The following PLCG2 variants were observed in gnomAD, a reference collection of about 807,000 sequenced individuals.
PLCG2 encodes the protein phospholipase C gamma 2, also known as 1-phosphatidylinositol 4,5-bisphosphate phosphodiesterase gamma-2.
PLCG2 carries 69 observed loss-of-function variants against 175.6 expected under a neutral mutation model. The ratio of observed to expected loss-of-function variants is 0.39; its 90% CI spans 0.32 to 0.48. The LOEUF is 0.48. Among genes scored for constraint, PLCG2 ranks in the 20% least tolerant of loss-of-function variants. The pLI is 0.91. For missense variants in PLCG2, 1,798 were observed against 1,650.9 expected, an observed-to-expected ratio of 1.09 and a Z score of -1.54; for synonymous variants, 827 against 624.0, an observed-to-expected ratio of 1.33 and a Z score of -4.85.
intron 7 of PLCG2, 38 bp downstream of exon 7, chr16:81,870,973 C>T (rs1483709722): frequency 1.7e-6 from 2 of 1,154,228 alleles, no homozygotes; most frequent in Non-Finnish European, 2.6e-6. Flanking sequence ...AGTGATGTTT[C>T]TGTTTTCCAT....
chr16:81,776,081 C>CGTTCGT (rs768932030), upstream of PLCG2, among the ~76,000 whole-genome samples: 5 of 110,674 alleles, frequency 4.5e-5, no homozygotes, highest in African/African-American at 6.5e-5. Flanking sequence ...CTTTCTCTCT[C>CGTTCGT]TCTCTCTCTT....
chr16:81,910,044 G>A (rs1209329720), intron 17 of PLCG2, among the ~76,000 whole-genome samples: 1 of 151,986 alleles, frequency 6.6e-6, no homozygotes, highest in African/African-American at 2.4e-5. Context: ...AGAATGTTCT[G>A]GAATCCAGGC....
rs144663678 is a variant in PLCG2 at position 81,924,360 on chromosome 16, A to G, written c.2417+766A>G. Among the ~76,000 whole-genome samples, 916 of 152,394 alleles carry G rather than the reference A, an allele frequency of 6.0e-3. 4 individuals are homozygous for G. Among genetic ancestry groups the G allele is most frequent in the Non-Finnish European group, 0.01 (692 of 68,044 alleles). On this transcript the variant is annotated intron_variant, in intron 22 of 32. Transcript: ENST00000564138. ...CTGGCTTAGGAATCTGAATAGCAGC[A>G]TGCATGGAGTGCTTCTATGTGTCAA... is the stretch of plus-strand genomic sequence containing the variant.
At chr16:81,746,297 G>A in intron 1 of PLCG2, among the ~76,000 whole-genome samples, 1 of 152,338 alleles carries the variant, frequency 6.6e-6, no homozygotes, top group South Asian at 2.1e-4. Context: ...CTGGCAGGGT[G>A]CCTTGAGTGC....
Position 81,923,476 on chromosome 16 carries a change from C to G in PLCG2, c.2308-9C>G, listed in dbSNP as rs1389430987. 1.9e-6 allele frequency: 3 copies of G among 1,586,876 alleles called. No individual in the cohort carries two copies. Among genetic ancestry groups the G allele is most frequent in the Non-Finnish European group, 2.6e-6 (3 of 1,155,954 alleles). ...GGCCTGACCTTTTCCTTCTTGTTTT[C>G]CCTGAAAGCCTCAGAGAACCGTGAA... On this transcript the variant is annotated splice_polypyrimidine_tract_variant and intron_variant, in intron 21 of 32. Transcript: ENST00000564138.
intron 1 of PLCG2, among the ~76,000 whole-genome samples, chr16:81,755,484 G>A (rs1044829702): frequency 6.6e-6 from 1 of 151,432 alleles, no homozygotes; most frequent in Non-Finnish European, 1.5e-5. Context: ...GGGATTACAA[G>A]CGTGAGCCAC....
chr16:81,927,218 T>A (rs766140534), intron 23 of PLCG2, 40 bp downstream of exon 23: 2 of 1,366,294 alleles, frequency 1.5e-6, no homozygotes, highest in South Asian at 2.3e-5. Context: ...GAAGAAGGGA[T>A]CTGCAGGTCC....
chr16:81,764,884 G>A (rs905442920), intron 2 of PLCG2, among the ~76,000 whole-genome samples: 17 of 152,114 alleles, frequency 1.1e-4, no homozygotes, highest in African/African-American at 4.1e-4. Context: ...GAGCTCAGGA[G>A]TTCGAGACCA....
chr16:81,745,441 C>CCT, intron 1 of PLCG2, among the ~76,000 whole-genome samples: 1 of 152,186 alleles, frequency 6.6e-6, no homozygotes, highest in Non-Finnish European at 1.5e-5. Flanking sequence ...ATCCAAACAA[C>CCT]GACTATAACT....
chr16:81,930,215 T>G (rs1318224078), intron 24 of PLCG2, among the ~76,000 whole-genome samples: 1 of 152,204 alleles, frequency 6.6e-6, no homozygotes, highest in Non-Finnish European at 1.5e-5. Context: ...GTAATCTGCT[T>G]AGAATATTGC....
chr16:81,943,315 T>C (rs534312159), intron 30 of PLCG2, among the ~76,000 whole-genome samples: 14 of 152,306 alleles, frequency 9.2e-5, no homozygotes, highest in African/African-American at 3.4e-4. Context: ...TCAGGAAATT[T>C]ACAATCCTGG....
intron 2 of PLCG2, among the ~76,000 whole-genome samples, chr16:81,795,900 G>A (rs1220444615): frequency 1.3e-5 from 2 of 152,232 alleles, no homozygotes; most frequent in African/African-American, 2.4e-5. Flanking sequence ...TTTGGCATGT[G>A]ACCAAGTGCA....
chr16:81,919,995 A>T (rs544034858), intron 20 of PLCG2, among the ~76,000 whole-genome samples: 21 of 152,180 alleles, frequency 1.4e-4, no homozygotes, highest in Non-Finnish European at 2.4e-4. Flanking sequence ...GGAAGATCTC[A>T]CTGAAAAGGA....
chr16:81,961,887 T>C lies in PLCG2; in HGVS notation c.*3889T>C, dbSNP rs928470844. On this transcript the variant is annotated 3_prime_UTR_variant, in exon 33 of 33. Transcript: ENST00000564138. ...GAAGATAGAGATTTTCAAAATTCAC[T>C]TAAGAGTATCTGAGCATAAAATGTT... The C allele has an allele frequency of 1.5e-5, 3 of 199,124 alleles. No individual in the cohort carries two copies. Among genetic ancestry groups the C allele is most frequent in the Non-Finnish European group, 3.1e-5 (3 of 96,456 alleles). The allele number at this position is 199,124 out of a possible 1,614,324, so 12.3% of individuals were successfully genotyped here.
chr16:81,778,032 C>CAACAAAA (rs1910498846), upstream of PLCG2, among the ~76,000 whole-genome samples: 4 of 58,710 alleles, frequency 6.8e-5, no homozygotes, highest in Non-Finnish European at 1.2e-4. Context: ...AAAAAAAAAA[C>CAACAAAA]AAAAAAAAAA....
Position 81,962,558 on chromosome 16 carries a change from T to A in PLCG2, c.*4560T>A, listed in dbSNP as rs555287006. On this transcript the variant is annotated 3_prime_UTR_variant, in exon 33 of 33. Coordinates refer to ENST00000564138, the MANE Select transcript of PLCG2 (RefSeq NM_002661.5). ...TTATTAAAGCTTAATTTATTTTTTATATAAATAGTATGTGCTTTGTGTACA... is the reference window on the plus strand; with the variant it reads ...TTATTAAAGCTTAATTTATTTTTTAAATAAATAGTATGTGCTTTGTGTACA... 17 of 219,480 alleles carry A rather than the reference T, an allele frequency of 7.7e-5. No individual in the cohort carries two copies. The highest frequency in any genetic ancestry group is 2.9e-3 in the Middle Eastern group (2 of 698). 13.6% of individuals were successfully genotyped at this position (219,480 alleles called of 1,614,324 possible). A position where few individuals can be genotyped will look rare whatever the true frequency, so the allele number is the denominator to read the frequency against.
intron 2 of PLCG2, among the ~76,000 whole-genome samples, chr16:81,843,671 C>G (rs1567493818): frequency 6.6e-6 from 1 of 152,218 alleles, no homozygotes; most frequent in African/African-American, 2.4e-5. Context: ...AGTAATGTTT[C>G]TGAATTAGGA....
At chr16:81,880,870 T>G in intron 7 of PLCG2, 40 bp from the exon 8 acceptor site, 2 of 1,600,792 alleles carry the variant, frequency 1.2e-6, no homozygotes, top group South Asian at 2.2e-5. Flanking sequence ...TTAAGTGACT[T>G]GTCTAAGGTT....
At chr16:81,947,456 C>T (rs1323035931) in intron 31 of PLCG2, among the ~76,000 whole-genome samples, 3 of 152,188 alleles carry the variant, frequency 2.0e-5, no homozygotes, top group African/African-American at 2.4e-5. Flanking sequence ...TCTTGGAAGC[C>T]GAGCTGAATT....
Sources: gnomAD v4.1 joint callset for allele counts (sites outside exome capture counted in the v4.1 genomes callset) on GRCh38, gnomAD v4.1.1 for gene constraint, MANE v1.5 for transcripts, NCBI Gene and HGNC (gene_info 2026-07-23, HGNC 2026-07-21) for gene names.